The following DAAM2 variants were observed in gnomAD, a reference collection of about 807,000 sequenced individuals.
DAAM2 encodes the protein dishevelled associated activator of morphogenesis 2.
Under a neutral mutation model 120.7 loss-of-function variants are expected in DAAM2, and 39 were observed. The observed-to-expected ratio is 0.32, with a 90% CI of 0.25 to 0.42. DAAM2 has a LOEUF of 0.42. Among genes scored for constraint, DAAM2 ranks in the 10% least tolerant of loss-of-function variants. DAAM2 has a pLI of 1.00. For missense variants in DAAM2, 1,283 were observed against 1,401.7 expected (o/e 0.92, Z 1.35); for synonymous variants, 488 against 524.9 (o/e 0.93, Z 0.96).
At chr6:39,884,268 A>C (rs1414900317) in intron 15 of DAAM2, 199 bp downstream of exon 15, 3 of 522,938 alleles carry the variant, frequency 5.7e-6, no homozygotes, top group African/African-American at 3.8e-5. Context: ...TGATGATTTT[A>C]TTCTTGCTGA....
intron 11 of DAAM2, among the ~76,000 whole-genome samples, chr6:39,877,545 A>T (rs1423185615): frequency 6.6e-6 from 1 of 152,184 alleles, no homozygotes; most frequent in Non-Finnish European, 1.5e-5. Flanking sequence ...GTGGCTGAAG[A>T]GGCCAAAAGT....
intron 1 of DAAM2, among the ~76,000 whole-genome samples, chr6:39,796,905 A>C (rs1761719886): frequency 6.6e-6 from 1 of 152,212 alleles, no homozygotes; most frequent in Admixed American, 6.5e-5. Flanking sequence ...GGAAGAAGCT[A>C]GCAAACTGCT....
At chr6:39,824,429 G>A (rs1762596345) in intron 1 of DAAM2, among the ~76,000 whole-genome samples, 1 of 152,184 alleles carries the variant, frequency 6.6e-6, no homozygotes, top group Non-Finnish European at 1.5e-5. Context: ...CAGGCCCTGT[G>A]CTCCAGGATC....
intron 1 of DAAM2, among the ~76,000 whole-genome samples, chr6:39,836,230 T>A (rs529415137): frequency 6.6e-6 from 1 of 152,306 alleles, no homozygotes; most frequent in Admixed American, 6.5e-5. Context: ...CATCGCTGCA[T>A]CCTTTAAGAC....
rs1766294057 is a variant in DAAM2 at position 39,898,875 on chromosome 6, A to C, written c.2619-2A>C. 6.2e-7 allele frequency: 1 copy of C among 1,611,810 alleles called. No individual in the cohort carries two copies. The highest frequency in any genetic ancestry group is 1.3e-5 in the African/African-American group (1 of 74,856). ...TTCCCTTCCCTCTGTGTCTCCTTAC[A>C]GCCTAGCAGAACTGGAGAAGGAGGT... On this transcript the variant is annotated splice_acceptor_variant, in intron 21 of 24. Transcript: ENST00000274867. LOFTEE classifies it high-confidence loss of function.
At chr6:39,825,444 T>TGGG (rs1562006551) in intron 1 of DAAM2, among the ~76,000 whole-genome samples, 1 of 33,208 alleles carries the variant, frequency 3.0e-5, no homozygotes, top group African/African-American at 1.1e-4. Context: ...GGTCGGGGGG[T>TGGG]TGGTGGGGGG....
intron 11 of DAAM2, among the ~76,000 whole-genome samples, chr6:39,875,873 C>A (rs1345100763): frequency 6.6e-6 from 1 of 152,210 alleles, no homozygotes; most frequent in African/African-American, 2.4e-5. Flanking sequence ...TAACGTAGAA[C>A]AAGGGTCAGC....
chr6:39,794,464 G>GC (rs1231613225), intron 1 of DAAM2, among the ~76,000 whole-genome samples: 3 of 152,176 alleles, frequency 2.0e-5, no homozygotes, highest in African/African-American at 4.8e-5. Flanking sequence ...GAATACTCGT[G>GC]CCCCCATCAG....
chr6:39,807,874 G>C (rs538609626), intron 1 of DAAM2, among the ~76,000 whole-genome samples: 19 of 152,184 alleles, frequency 1.2e-4, no homozygotes, highest in African/African-American at 4.6e-4. Flanking sequence ...TTTAAGCAAA[G>C]CTAATTTTAA....
intron 14 of DAAM2, among the ~76,000 whole-genome samples, chr6:39,882,685 A>G (rs986490893): frequency 4.1e-5 from 6 of 146,236 alleles, no homozygotes; most frequent in African/African-American, 1.5e-4. Context: ...CCCCTATCCC[A>G]CGTGTGCTTC....
intron 1 of DAAM2, among the ~76,000 whole-genome samples, chr6:39,816,927 A>G (rs6916203): frequency 0.12 from 18,911 of 152,324 alleles, 1,308 homozygotes; most frequent in Non-Finnish European, 0.15. Flanking sequence ...ATAAATACTC[A>G]TCATCACATT....
In DAAM2 at chr6:39,867,856, G is replaced by A. The variant is rs2149307682; in HGVS notation, c.762+13G>A. Reference sequence around the variant, plus strand: ...AACCCGCTTCCAGGTGAGGGGCCAGGCTGGAGGTGGGATGCCAGCTGGGTG... The same window carrying A: ...AACCCGCTTCCAGGTGAGGGGCCAGACTGGAGGTGGGATGCCAGCTGGGTG... On this transcript the variant is annotated intron_variant, in intron 6 of 24. Coordinates refer to ENST00000274867, the MANE Select transcript of DAAM2 (RefSeq NM_001201427.2). The A allele has an allele frequency of 6.4e-7, 1 of 1,555,934 alleles. No individual in the cohort carries two copies. The highest frequency in any genetic ancestry group is 1.2e-5 in the South Asian group (1 of 85,672).
At chr6:39,892,601 T>C (rs1310961266) in intron 19 of DAAM2, among the ~76,000 whole-genome samples, 1 of 152,040 alleles carries the variant, frequency 6.6e-6, no homozygotes, top group African/African-American at 2.4e-5. Flanking sequence ...CAGGAGAGGC[T>C]GGGAGGCTCA....
chr6:39,877,070 G>A (rs575971898), intron 11 of DAAM2, among the ~76,000 whole-genome samples: 2 of 152,326 alleles, frequency 1.3e-5, no homozygotes, highest in East Asian at 3.9e-4. Context: ...CTGGCTGGCT[G>A]CTTCCAGCTC....
At chr6:39,794,626 G>A (rs1456747001) in intron 1 of DAAM2, among the ~76,000 whole-genome samples, 1 of 152,026 alleles carries the variant, frequency 6.6e-6, no homozygotes, top group East Asian at 1.9e-4. Flanking sequence ...ACTACTGCTT[G>A]CTGTGAGAAC....
chr6:39,809,372 G>A (rs1762099761), intron 1 of DAAM2, among the ~76,000 whole-genome samples: 1 of 152,084 alleles, frequency 6.6e-6, no homozygotes, highest in Admixed American at 6.6e-5. Context: ...CAGTTCTTTG[G>A]CTCTCATTCA....
chr6:39,844,285 T>A (rs1437506820), intron 1 of DAAM2, among the ~76,000 whole-genome samples: 2 of 152,138 alleles, frequency 1.3e-5, no homozygotes, highest in Non-Finnish European at 2.9e-5. Context: ...CCTACCACCC[T>A]GATTTCAAAT....
At chr6:39,863,795 C>T (rs532152862) in intron 3 of DAAM2, among the ~76,000 whole-genome samples, 1 of 152,182 alleles carries the variant, frequency 6.6e-6, no homozygotes, top group South Asian at 2.1e-4. Context: ...TGGGCTCTGC[C>T]TCCCCGCTGC....
chr6:39,887,666 C>T, intron 16 of DAAM2, 74 bp downstream of exon 16: 1 of 976,356 alleles, frequency 1.0e-6, no homozygotes, highest in Admixed American at 2.0e-5. Flanking sequence ...TGGTGGCAGT[C>T]TCGGGCCTCT....
Sources: allele counts gnomAD v4.1 joint callset (sites outside exome capture counted in the v4.1 genomes callset), GRCh38; gene constraint gnomAD v4.1.1; transcripts MANE v1.5; gene names NCBI Gene and HGNC (gene_info 2026-07-23, HGNC 2026-07-21).